Variants in MANSC1 observed in about 807,000 individuals in gnomAD.
MANSC1 encodes the protein MANSC domain containing 1, also known as MANSC domain-containing protein 1.
MANSC1 carries 13 observed loss-of-function variants against 14.1 expected under a neutral mutation model. The observed-to-expected ratio is 0.92, with a 90% CI of 0.60 to 1.46. The LOEUF (loss-of-function observed/expected upper bound fraction) is 1.46, where lower values mean the gene tolerates loss of function less well. MANSC1 is among the 40% of genes most tolerant of loss of function. MANSC1 has a pLI of 0.00. For missense variants in MANSC1, 486 were observed against 511.4 expected, an observed-to-expected ratio of 0.95 and a Z score of 0.48; for synonymous variants, 227 against 200.7, an observed-to-expected ratio of 1.13 and a Z score of -1.11.
intron 3 of MANSC1, 64 bp from the exon 4 acceptor site, chr12:12,331,022 A>G: frequency 9.8e-7 from 1 of 1,019,116 alleles, no homozygotes; most frequent in Non-Finnish European, 1.5e-6. Context: ...GGTTAAAAAA[A>G]TACAAACATA....
chr12:12,349,012 G>C (rs183504028), intron 1 of MANSC1, among the ~76,000 whole-genome samples: 7 of 152,120 alleles, frequency 4.6e-5, no homozygotes, highest in Admixed American at 6.6e-5. Flanking sequence ...TAATTTTGAC[G>C]TGGTATTGAG....
intron 3 of MANSC1, among the ~76,000 whole-genome samples, chr12:12,333,218 T>G (rs1362157626): frequency 6.6e-6 from 1 of 152,012 alleles, no homozygotes; most frequent in East Asian, 1.9e-4. Context: ...AGCTAATTTT[T>G]GTATTTTTTG....
Position 12,338,401 on chromosome 12 carries a change from A to C in MANSC1, c.364+19T>G, listed in dbSNP as rs753453335. 2.6e-6 allele frequency: 4 copies of C among 1,544,046 alleles called. No homozygotes were observed. Among genetic ancestry groups the C allele is most frequent in the Non-Finnish European group, 3.5e-6 (4 of 1,150,550 alleles). ...AAATTATTCCAATCACAAAAGAAAA[A>C]GTATAATGCTTTCATTACCTGTAAT... On this transcript the variant is annotated intron_variant, in intron 3 of 3. Transcript: ENST00000535902.
Position 12,327,473 on chromosome 12 carries a change from G to C in MANSC1, c.*2554C>G, listed in dbSNP as rs563773293. The C allele has an allele frequency of 1.3e-5, 2 of 152,332 alleles. No homozygotes were observed. Among genetic ancestry groups the C allele is most frequent in the African/African-American group, 2.4e-5 (1 of 41,558 alleles). 9.4% of individuals were successfully genotyped at this position (152,332 alleles called of 1,614,324 possible). ...TTGGGCCCGTAGCATCACTCATCTG[G>C]ACCGCTCCCATGTGGTCTCCCCATC... On this transcript the variant is annotated 3_prime_UTR_variant, in exon 4 of 4. Transcript: ENST00000535902.
At chr12:12,347,081 G>A (rs578048092) in intron 1 of MANSC1, among the ~76,000 whole-genome samples, 17 of 152,156 alleles carry the variant, frequency 1.1e-4, no homozygotes, top group Admixed American at 2.0e-4. Context: ...CATGGACGGC[G>A]TTGTGGGGGT....
intron 3 of MANSC1, among the ~76,000 whole-genome samples, chr12:12,332,772 C>T (rs923078736): frequency 2.6e-5 from 4 of 152,126 alleles, no homozygotes; most frequent in Admixed American, 1.3e-4. Flanking sequence ...CCACCCCCTT[C>T]GGTCTCCCAA....
Position 12,328,842 on chromosome 12 carries a change from G to C in MANSC1, c.*1185C>G, listed in dbSNP as rs1862740744. 6.6e-6 allele frequency: 1 copy of C among 151,834 alleles called. No individual in the cohort carries two copies. Among genetic ancestry groups the C allele is most frequent in the African/African-American group, 2.4e-5 (1 of 41,332 alleles). The allele number at this position is 151,834 out of a possible 1,614,324, so 9.4% of individuals were successfully genotyped here. A position where few individuals can be genotyped will look rare whatever the true frequency, so the allele number is the denominator to read the frequency against. On this transcript the variant is annotated 3_prime_UTR_variant, in exon 4 of 4. Transcript: ENST00000535902. ...TCTTTACTAAAAATATAAAAAATTA[G>C]CTGGGCGTGTTGGCGGGCGCCTGTA...
chr12:12,343,537 C>T (rs61922047), intron 1 of MANSC1, 123 bp from the exon 2 acceptor site: 16 of 499,530 alleles, frequency 3.2e-5, no homozygotes, highest in South Asian at 1.5e-4. Context: ...AAAAGATACA[C>T]GTATTTTTTG....
chr12:12,346,813 T>C (rs571639738), intron 1 of MANSC1, among the ~76,000 whole-genome samples: 19 of 152,192 alleles, frequency 1.2e-4, no homozygotes, highest in Non-Finnish European at 2.5e-4. Flanking sequence ...TTAGATTAGG[T>C]GATGAGTTTT....
At chr12:12,339,041 C>T (rs1862900007) in intron 2 of MANSC1, 1 of 175,088 alleles carries the variant, frequency 5.7e-6, no homozygotes, top group Non-Finnish European at 1.2e-5. Context: ...CAAGCCCTGA[C>T]TACTGATGTG....
At position 12,329,003 on chromosome 12, in the gene MANSC1, C is replaced by T; in HGVS notation, c.*1024G>A. ...ACTCTGTCACACACACACACACACA[C>T]ACACACACACACACACACACACAAG... On this transcript the variant is annotated 3_prime_UTR_variant, in exon 4 of 4. Coordinates refer to ENST00000535902, the MANE Select transcript of MANSC1 (RefSeq NM_018050.4). 1 of 153,008 alleles carries T rather than the reference C, an allele frequency of 6.5e-6. No homozygotes were observed. The highest frequency in any genetic ancestry group is 1.4e-5 in the Non-Finnish European group (1 of 69,230). The allele number at this position is 153,008 out of a possible 1,614,324, so 9.5% of individuals were successfully genotyped here. A position where few individuals can be genotyped will look rare whatever the true frequency, so the allele number is the denominator to read the frequency against.
intron 3 of MANSC1, among the ~76,000 whole-genome samples, chr12:12,333,900 C>T (rs1329910479): frequency 6.6e-6 from 1 of 152,134 alleles, no homozygotes; most frequent in Non-Finnish European, 1.5e-5. Flanking sequence ...AGAGAATGAA[C>T]AGAATCCACT....
chr12:12,345,703 A>C (rs898327975), intron 1 of MANSC1, among the ~76,000 whole-genome samples: 1 of 152,234 alleles, frequency 6.6e-6, no homozygotes, highest in African/African-American at 2.4e-5. Context: ...TGTTTGCTGA[A>C]TGATAGCTTA....
chr12:12,346,451 T>C (rs969780072), intron 1 of MANSC1, among the ~76,000 whole-genome samples: 27 of 152,226 alleles, frequency 1.8e-4, no homozygotes, highest in African/African-American at 6.0e-4. Flanking sequence ...TGATACTACC[T>C]GACTTCAACA....
intron 3 of MANSC1, among the ~76,000 whole-genome samples, chr12:12,332,344 T>G (rs1862800847): frequency 6.6e-6 from 1 of 152,178 alleles, no homozygotes. Context: ...TACGGATTCA[T>G]GCCATCTCGT....
intron 3 of MANSC1, 73 bp downstream of exon 3, chr12:12,338,347 G>A: frequency 4.5e-6 from 6 of 1,333,808 alleles, no homozygotes; most frequent in Non-Finnish European, 6.1e-6. Context: ...TTAGACTCTT[G>A]TAGAAAATCT....
Position 12,343,371 on chromosome 12 carries a change from C to T in MANSC1, c.-57G>A. 2 of 1,271,566 alleles carry T rather than the reference C, an allele frequency of 1.6e-6. No homozygotes were observed. Among genetic ancestry groups the T allele is most frequent in the South Asian group, 2.5e-5 (2 of 80,488 alleles). 78.8% of individuals were successfully genotyped at this position (1,271,566 alleles called of 1,614,324 possible). On this transcript the variant is annotated 5_prime_UTR_variant, in exon 2 of 4. Coordinates refer to ENST00000535902, the MANE Select transcript of MANSC1 (RefSeq NM_018050.4). ...GGTCAAGGATAATCCTCCCTCTGGT[C>T]TTAGTTTGCTTTAAGAAGGCTGCAC...
At chr12:12,333,086 AC>A (rs1315043479) in intron 3 of MANSC1, among the ~76,000 whole-genome samples, 23 of 151,250 alleles carry the variant, frequency 1.5e-4, no homozygotes, top group Non-Finnish European at 3.1e-4. Flanking sequence ...TTGCTCTGTC[AC>A]CCAGGCTGGA....
chr12:12,331,071 G>T, intron 3 of MANSC1, 113 bp from the exon 4 acceptor site: 1 of 714,032 alleles, frequency 1.4e-6, no homozygotes, highest in Non-Finnish European at 2.3e-6. Flanking sequence ...GTTGGCCATG[G>T]TGGCTCACGC....
Sources: gnomAD v4.1 joint callset for allele counts (sites outside exome capture counted in the v4.1 genomes callset) on GRCh38, gnomAD v4.1.1 for gene constraint, MANE v1.5 for transcripts, NCBI Gene and HGNC (gene_info 2026-07-23, HGNC 2026-07-21) for gene names.